The following XKR9 variants were observed in gnomAD, a reference collection of about 807,000 sequenced individuals.
XKR9 encodes the protein XK related 9.
Under a neutral mutation model 32.0 loss-of-function variants are expected in XKR9, and 32 were observed. That is an observed-to-expected ratio of 1.00 (90% CI 0.76 to 1.34). The LOEUF is 1.34. Ranked by LOEUF, XKR9 falls within the 40% of genes most tolerant of loss-of-function variation. The pLI is 0.00. For synonymous variants in XKR9, 168 were observed against 143.4 expected, an observed-to-expected ratio of 1.17 and a Z score of -1.22; for missense variants, 546 against 429.7, an observed-to-expected ratio of 1.27 and a Z score of -2.39.
At chr8:70,725,907 A>G (rs1337943600) in intron 4 of XKR9, among the ~76,000 whole-genome samples, 1 of 152,178 alleles carries the variant, frequency 6.6e-6, no homozygotes, top group Non-Finnish European at 1.5e-5. Context: ...CTCCATCTCA[A>G]CAACAACAAA....
At chr8:70,808,719 A>C in the XKR9 span, among the ~76,000 whole-genome samples, 12 of 152,342 alleles carry the variant, frequency 7.9e-5, no homozygotes, top group East Asian at 2.1e-3. Flanking sequence ...AGTCTGAGAT[A>C]AAACTGCAAG....
At chr8:70,804,488 TA>T in the XKR9 span, among the ~76,000 whole-genome samples, 1 of 152,270 alleles carries the variant, frequency 6.6e-6, no homozygotes, top group Non-Finnish European at 1.5e-5. Context: ...ATCACTAAAT[TA>T]AATAATAACA....
At chr8:71,005,700 C>T in the XKR9 span, among the ~76,000 whole-genome samples, 1 of 152,186 alleles carries the variant, frequency 6.6e-6, no homozygotes, top group Non-Finnish European at 1.5e-5. Flanking sequence ...TTCTGTAGCT[C>T]TTACTAGAAG....
the XKR9 span, among the ~76,000 whole-genome samples, chr8:70,844,393 C>A: frequency 3.9e-5 from 6 of 152,194 alleles, no homozygotes; most frequent in Non-Finnish European, 2.9e-5. Context: ...AACCCAAGAG[C>A]CTGAGAACTG....
At chr8:70,917,360 C>T in the XKR9 span, among the ~76,000 whole-genome samples, 22 of 152,276 alleles carry the variant, frequency 1.4e-4, no homozygotes, top group African/African-American at 4.8e-4. Context: ...ATCTTTCTCA[C>T]TCTGGTGGAA....
chr8:70,812,308 A>C, the XKR9 span, among the ~76,000 whole-genome samples: 1 of 152,202 alleles, frequency 6.6e-6, no homozygotes, highest in Non-Finnish European at 1.5e-5. Context: ...AATAAGAGCT[A>C]TGTACGACAA....
the XKR9 span, among the ~76,000 whole-genome samples, chr8:70,911,926 TAAAGGC>T: frequency 6.6e-6 from 1 of 151,876 alleles, no homozygotes; most frequent in African/African-American, 2.4e-5. Context: ...CATAAGAGAA[TAAAGGC>T]ACACAGAGGG....
chr8:70,845,967 T>C, the XKR9 span, among the ~76,000 whole-genome samples: 822 of 152,156 alleles, frequency 5.4e-3, 11 homozygotes, highest in African/African-American at 0.019. Flanking sequence ...CCCGAGTAGA[T>C]ACAACCCAAA....
the XKR9 span, among the ~76,000 whole-genome samples, chr8:70,885,534 A>C: frequency 4.6e-5 from 7 of 151,710 alleles, no homozygotes; most frequent in African/African-American, 1.5e-4. Flanking sequence ...CTCCGCATGC[A>C]TTATGTATTT....
At chr8:70,748,885 A>G (rs940210464) in intron 2 of XKR9, among the ~76,000 whole-genome samples, 2 of 152,028 alleles carry the variant, frequency 1.3e-5, no homozygotes, top group South Asian at 4.1e-4. Flanking sequence ...AGACATTGGG[A>G]CTACAAGCTC....
At chr8:70,875,959 C>T in the XKR9 span, among the ~76,000 whole-genome samples, 2 of 151,894 alleles carry the variant, frequency 1.3e-5, no homozygotes, top group Non-Finnish European at 2.9e-5. Context: ...ACTCAGACTC[C>T]ATCAGAAAAG....
chr8:70,774,580 G>A (rs944832842), intron 2 of XKR9, among the ~76,000 whole-genome samples: 1 of 152,088 alleles, frequency 6.6e-6, no homozygotes, highest in Non-Finnish European at 1.5e-5. Context: ...TTCTTTTTGT[G>A]TGTGTAGTAT....
At chr8:70,803,335 C>T in the XKR9 span, among the ~76,000 whole-genome samples, 2 of 152,104 alleles carry the variant, frequency 1.3e-5, no homozygotes, top group African/African-American at 4.8e-5. Context: ...TTTTTTATCT[C>T]CTGTATCATT....
At chr8:70,870,412 A>G in the XKR9 span, among the ~76,000 whole-genome samples, 4 of 152,196 alleles carry the variant, frequency 2.6e-5, no homozygotes, top group Admixed American at 6.5e-5. Context: ...GAAAAGATTC[A>G]GATTGAAATC....
chr8:70,700,621 C>T (rs972327828), intron 3 of XKR9, among the ~76,000 whole-genome samples: 1 of 152,048 alleles, frequency 6.6e-6, no homozygotes, highest in African/African-American at 2.4e-5. Flanking sequence ...TTAGGCTGCT[C>T]GGGGGTCAGG....
chr8:70,906,119 A>G, the XKR9 span, among the ~76,000 whole-genome samples: 537 of 152,136 alleles, frequency 3.5e-3, 7 homozygotes, highest in African/African-American at 0.012. Context: ...TCATATCTCA[A>G]ACTCTGTGCT....
chr8:70,813,314 A>G, the XKR9 span, among the ~76,000 whole-genome samples: 1 of 152,258 alleles, frequency 6.6e-6, no homozygotes, highest in African/African-American at 2.4e-5. Flanking sequence ...AAAGACTTAC[A>G]TGTTAGACCT....
chr8:70,816,791 A>T, the XKR9 span, among the ~76,000 whole-genome samples: 1 of 152,176 alleles, frequency 6.6e-6, no homozygotes, highest in Non-Finnish European at 1.5e-5. Context: ...AATAGGCTTC[A>T]TTCCTGGGAT....
chr8:70,955,043 C>T, the XKR9 span, among the ~76,000 whole-genome samples: 3 of 152,304 alleles, frequency 2.0e-5, no homozygotes, highest in African/African-American at 4.8e-5. Flanking sequence ...ATTTATTCCA[C>T]GAGAGCTTTG....
Sources: gnomAD v4.1 joint callset for allele counts (sites outside exome capture counted in the v4.1 genomes callset) on GRCh38, gnomAD v4.1.1 for gene constraint, MANE v1.5 for transcripts, NCBI Gene and HGNC (gene_info 2026-07-23, HGNC 2026-07-21) for gene names.